Variants in PHC2 observed in about 807,000 individuals in gnomAD.
PHC2 encodes the protein polyhomeotic-like protein 2.
A neutral mutation model predicts 87.4 loss-of-function variants in PHC2; 29 were observed. The ratio of observed to expected loss-of-function variants is 0.33; its 90% CI spans 0.25 to 0.45. The LOEUF (loss-of-function observed/expected upper bound fraction) is 0.45. Among genes scored for constraint, PHC2 ranks in the 20% least tolerant of loss-of-function variants. The pLI is 1.00. For synonymous variants in PHC2, 438 were observed against 461.7 expected, an observed-to-expected ratio of 0.95 and a Z score of 0.66; for missense variants, 857 against 1,136.7, an observed-to-expected ratio of 0.75 and a Z score of 3.54.
chr1:33,427,439 C>A (rs1001577971), intron 1 of PHC2, among the ~76,000 whole-genome samples: 2 of 152,150 alleles, frequency 1.3e-5, no homozygotes, highest in Non-Finnish European at 2.9e-5. Flanking sequence ...GACTGTGCTG[C>A]CTTCACTAAT....
chr1:33,328,713 C>G (rs967397722), intron 14 of PHC2, among the ~76,000 whole-genome samples, 157 bp downstream of exon 14: 3 of 152,148 alleles, frequency 2.0e-5, no homozygotes, highest in African/African-American at 7.2e-5. Flanking sequence ...TATAAGCAAG[C>G]TCTTATAGGC....
chr1:33,423,173 G>A (rs1273930394), intron 1 of PHC2, among the ~76,000 whole-genome samples: 1 of 152,122 alleles, frequency 6.6e-6, no homozygotes, highest in African/African-American at 2.4e-5. Flanking sequence ...CAGGCCAGCG[G>A]AAGATACTGT....
intron 1 of PHC2, among the ~76,000 whole-genome samples, chr1:33,378,584 G>A (rs1000504844): frequency 6.6e-6 from 1 of 152,224 alleles, no homozygotes; most frequent in East Asian, 1.9e-4. Context: ...CTACATCCTG[G>A]ATGATCAAGT....
chr1:33,422,568 T>C (rs1362094315), intron 1 of PHC2, among the ~76,000 whole-genome samples: 1 of 152,234 alleles, frequency 6.6e-6, no homozygotes, highest in Non-Finnish European at 1.5e-5. Context: ...TGGCTGGTTA[T>C]ACAATGGGCC....
chr1:33,419,697 C>G (rs1276907414), intron 1 of PHC2, among the ~76,000 whole-genome samples: 2 of 152,198 alleles, frequency 1.3e-5, no homozygotes, highest in African/African-American at 2.4e-5. Context: ...GCAAGCTCCA[C>G]CTCCCGGGTT....
intron 1 of PHC2, among the ~76,000 whole-genome samples, chr1:33,386,941 C>T (rs1004974844): frequency 6.6e-6 from 1 of 152,242 alleles, no homozygotes; most frequent in African/African-American, 2.4e-5. Context: ...TGCTCCTGCT[C>T]AGCCTTGAAC....
At chr1:33,407,547 C>G (rs1649815278) in intron 1 of PHC2, among the ~76,000 whole-genome samples, 1 of 152,092 alleles carries the variant, frequency 6.6e-6, no homozygotes, top group Admixed American at 6.5e-5. Flanking sequence ...TTCTAGTTCA[C>G]TCTTACTTTG....
chr1:33,387,736 A>G (rs1237672373), intron 1 of PHC2, among the ~76,000 whole-genome samples: 1 of 152,250 alleles, frequency 6.6e-6, no homozygotes, highest in African/African-American at 2.4e-5. Context: ...TCCATGCACA[A>G]GAGGCAGAAT....
intron 1 of PHC2, among the ~76,000 whole-genome samples, chr1:33,427,569 C>T (rs1650730829): frequency 6.6e-6 from 1 of 152,058 alleles, no homozygotes; most frequent in Non-Finnish European, 1.5e-5. Flanking sequence ...TTTTCATATC[C>T]CCATGGCCAC....
intron 6 of PHC2, among the ~76,000 whole-genome samples, chr1:33,367,898 G>A (rs573352380): frequency 7.2e-5 from 11 of 152,306 alleles, no homozygotes; most frequent in East Asian, 3.9e-4. Flanking sequence ...GGTTGCCACC[G>A]GCTCTTCCAA....
In PHC2 at chr1:33,331,612, C is replaced by T. The variant is rs887769674; in HGVS notation, c.1892-150G>A. 1.7e-6 allele frequency: 1 copy of T among 582,708 alleles called. No homozygotes were observed. The highest frequency in any genetic ancestry group is 3.1e-6 in the Non-Finnish European group (1 of 324,148). The allele number at this position is 582,708 out of a possible 1,614,324, so 36.1% of individuals were successfully genotyped here. A position where few individuals can be genotyped will look rare whatever the true frequency, so the allele number is the denominator to read the frequency against. On this transcript the variant is annotated intron_variant, in intron 11 of 14. Coordinates refer to ENST00000683057, the MANE Select transcript of PHC2 (RefSeq NM_001385109.1). This position sits in a 1 kb window ranked among gnomAD's most constrained non-coding sequence, Gnocchi z 5.2. Reference sequence around the variant, plus strand: ...AGCAGCATTCTAGCATGGAAAATGCCAGTGGTTCTCACCCCTGGAATGCAC... The same window carrying T: ...AGCAGCATTCTAGCATGGAAAATGCTAGTGGTTCTCACCCCTGGAATGCAC...
At chr1:33,339,312 A>G (rs920531921) in intron 9 of PHC2, among the ~76,000 whole-genome samples, 3 of 152,182 alleles carry the variant, frequency 2.0e-5, no homozygotes, top group Admixed American at 6.5e-5. Context: ...GCCTAGTGCC[A>G]AGATAAGCAA....
intron 9 of PHC2, among the ~76,000 whole-genome samples, chr1:33,352,665 C>T (rs768275535): frequency 1.2e-4 from 18 of 152,126 alleles, no homozygotes; most frequent in Non-Finnish European, 2.2e-4. Flanking sequence ...CCAGGTAAGA[C>T]GAAACCTCAG....
In PHC2 at chr1:33,355,137, G is replaced by C; in HGVS notation, c.1093C>G (p.Gln365Glu). ...TCAGCTTGGAGCACAGGCCGTGACT[G>C]CTGGGGCGGCGGCTGCTGCTGTTGT... is the stretch of plus-strand genomic sequence containing the variant. ...QPQQQQPPPQ[Q>E]SRPVLQAEPH... Residue 365 changes from glutamine to glutamate, a missense_variant, in exon 8 of 15, where the codon CAG becomes GAG. Transcript: ENST00000683057. 1 of 1,611,424 alleles carries C rather than the reference G, an allele frequency of 6.2e-7. No individual in the cohort carries two copies. The highest frequency in any genetic ancestry group is 1.1e-5 in the South Asian group (1 of 90,870).
chr1:33,389,860 T>C (rs924430597), intron 1 of PHC2, among the ~76,000 whole-genome samples: 2 of 152,150 alleles, frequency 1.3e-5, no homozygotes, highest in East Asian at 3.8e-4. Flanking sequence ...CTGTTCCCTA[T>C]TTGCAGGGGA....
intron 1 of PHC2, among the ~76,000 whole-genome samples, chr1:33,425,651 T>C (rs1052192949): frequency 2.0e-5 from 3 of 152,138 alleles, no homozygotes; most frequent in African/African-American, 7.2e-5. Flanking sequence ...AAAAGATAAG[T>C]AGAAAATTTT....
intron 1 of PHC2, among the ~76,000 whole-genome samples, chr1:33,430,416 CTG>C (rs1213887151): frequency 6.6e-6 from 1 of 152,204 alleles, no homozygotes; most frequent in African/African-American, 2.4e-5. Flanking sequence ...ACGCTTGACT[CTG>C]GGCCGAAAGT....
intron 1 of PHC2, among the ~76,000 whole-genome samples, chr1:33,418,208 A>T (rs757132326): frequency 2.6e-5 from 4 of 152,134 alleles, no homozygotes; most frequent in Non-Finnish European, 5.9e-5. Context: ...AAACAAAAGG[A>T]AGGAAATAAT....
At chr1:33,360,536 A>G (rs1022710065) in intron 7 of PHC2, among the ~76,000 whole-genome samples, 12 of 151,250 alleles carry the variant, frequency 7.9e-5, no homozygotes, top group South Asian at 4.1e-4. Flanking sequence ...ATGGTGACAC[A>G]TACCACATAG....
Sources: allele counts gnomAD v4.1 joint callset (sites outside exome capture counted in the v4.1 genomes callset), GRCh38; gene constraint gnomAD v4.1.1; non-coding constraint Gnocchi (gnomAD v3.1); transcripts MANE v1.5; gene names NCBI Gene and HGNC (gene_info 2026-07-23, HGNC 2026-07-21).